SCAI: variants seen among roughly 807,000 people sequenced by gnomAD.
The protein encoded by SCAI is suppressor of cancer cell invasion.
In SCAI, 24 loss-of-function variants were observed where a neutral mutation model predicts 92.2. That is an observed-to-expected ratio of 0.26 (90% CI 0.19 to 0.37). The LOEUF is 0.37. SCAI is among the 10% of genes least tolerant of loss of function. The probability of loss-of-function intolerance (pLI) is 1.00; values close to 1 mark genes in which losing one functional copy is unlikely to be tolerated. For synonymous variants in SCAI, 261 were observed against 258.6 expected (o/e 1.01, Z -0.09); for missense variants, 450 against 736.2 (o/e 0.61, Z 4.50).
chr9:125,064,246 A>G (rs926955850), intron 2 of SCAI, among the ~76,000 whole-genome samples: 1 of 152,318 alleles, frequency 6.6e-6, no homozygotes, highest in Admixed American at 6.5e-5. Flanking sequence ...TAAAATCCCC[A>G]TTAATAAAGT....
chr9:125,052,129 A>G (rs1651396718), intron 3 of SCAI, among the ~76,000 whole-genome samples: 1 of 152,242 alleles, frequency 6.6e-6, no homozygotes, highest in African/African-American at 2.4e-5. Flanking sequence ...CTCTTAGAAA[A>G]AAACACGGGA....
intron 2 of SCAI, among the ~76,000 whole-genome samples, chr9:125,073,616 T>C (rs993557183): frequency 4.5e-4 from 69 of 152,340 alleles, no homozygotes; most frequent in Non-Finnish European, 6.9e-4. Context: ...ATGCTGAGCA[T>C]CTTTTCACCT....
In SCAI at chr9:124,947,655, A is replaced by G. The variant is rs1439531977; in HGVS notation, c.*5152T>C. ...TTACAAATATGTATACATATATACA[A>G]AAAGTATACACAGAGATTGCATGTA... On this transcript the variant is annotated 3_prime_UTR_variant, in exon 18 of 18. Coordinates refer to ENST00000336505, the MANE Select transcript of SCAI (RefSeq NM_001144877.3). The G allele has an allele frequency of 1.3e-5, 2 of 152,360 alleles. No individual in the cohort carries two copies. The highest frequency in any genetic ancestry group is 3.9e-4 in the East Asian group (2 of 5,180). 9.4% of individuals were successfully genotyped at this position (152,360 alleles called of 1,614,324 possible).
chr9:125,014,700 C>T (rs1041809428), intron 9 of SCAI, among the ~76,000 whole-genome samples: 35 of 152,196 alleles, frequency 2.3e-4, no homozygotes, highest in African/African-American at 8.2e-4. Flanking sequence ...TCATATGGAA[C>T]CAAAAAAGAG....
intron 12 of SCAI, among the ~76,000 whole-genome samples, chr9:125,001,172 A>G (rs1385046321): frequency 6.6e-6 from 1 of 152,198 alleles, no homozygotes; most frequent in East Asian, 1.9e-4. Context: ...GGCTAAAGAG[A>G]TTTGTTTTCA....
At chr9:125,048,971 C>G (rs1833502094) in intron 3 of SCAI, among the ~76,000 whole-genome samples, 1 of 151,990 alleles carries the variant, frequency 6.6e-6, no homozygotes, top group Non-Finnish European at 1.5e-5. Context: ...TCTCAAACTC[C>G]TGACCTCAGG....
intron 14 of SCAI, among the ~76,000 whole-genome samples, chr9:124,981,784 G>A (rs373148516): frequency 3.3e-5 from 5 of 152,012 alleles, no homozygotes; most frequent in African/African-American, 1.2e-4. Flanking sequence ...TAAGTAGCTA[G>A]CACTGCACAG....
chr9:124,977,516 A>G (rs982820257), intron 14 of SCAI, among the ~76,000 whole-genome samples: 6 of 152,148 alleles, frequency 3.9e-5, no homozygotes, highest in Non-Finnish European at 5.9e-5. Context: ...TCTACAAAGA[A>G]TAGAAAAATT....
chr9:124,962,170 T>TTTTGG (rs1554774807), intron 17 of SCAI, among the ~76,000 whole-genome samples: 1 of 84,120 alleles, frequency 1.2e-5, no homozygotes. Flanking sequence ...TTTTTTTTTT[T>TTTTGG]GCGGGGGGGG....
chr9:125,026,760 T>C (rs1317240641), intron 6 of SCAI, 52 bp downstream of exon 6: 14 of 937,244 alleles, frequency 1.5e-5, no homozygotes, highest in South Asian at 4.6e-5. Context: ...TCTACGAAGA[T>C]TAAGACTGAA....
chr9:125,104,421 C>T (rs982993491), intron 2 of SCAI, among the ~76,000 whole-genome samples: 5 of 152,168 alleles, frequency 3.3e-5, no homozygotes, highest in Non-Finnish European at 5.9e-5. Flanking sequence ...ACCTTTGCCA[C>T]TGCTTATTCT....
At chr9:125,101,246 T>C (rs1028123946) in intron 2 of SCAI, among the ~76,000 whole-genome samples, 5 of 151,662 alleles carry the variant, frequency 3.3e-5, no homozygotes, top group Non-Finnish European at 7.4e-5. Flanking sequence ...GAACAAGGAG[T>C]GATGTGATTT....
At position 125,133,711 on chromosome 9, in the gene SCAI, C is replaced by T. The variant is rs376298209; in HGVS notation, c.98+8922G>A. 3.0e-4 allele frequency among the ~76,000 whole-genome samples: 45 copies of T among 152,084 alleles called. No individual in the cohort carries two copies. The East Asian group carries it at 6.6e-3, about 22-fold the overall frequency. ...TCAAATATGTACAGCTCACTGTATGCCAACTGTACCTCTACAGACCTGTTC... is the reference window on the plus strand; with the variant it reads ...TCAAATATGTACAGCTCACTGTATGTCAACTGTACCTCTACAGACCTGTTC... On this transcript the variant is annotated intron_variant, in intron 2 of 17. Coordinates refer to ENST00000336505, the MANE Select transcript of SCAI (RefSeq NM_001144877.3).
intron 9 of SCAI, among the ~76,000 whole-genome samples, chr9:125,011,948 G>A (rs1832649743): frequency 6.6e-6 from 1 of 152,162 alleles, no homozygotes; most frequent in Non-Finnish European, 1.5e-5. Flanking sequence ...ATAAGTGAAG[G>A]AGAAATAAAA....
chr9:125,070,397 CTTTTT>C (rs34011891), intron 2 of SCAI, among the ~76,000 whole-genome samples: 1 of 118,292 alleles, frequency 8.5e-6, no homozygotes, highest in Non-Finnish European at 1.7e-5. Context: ...TAAAAACAAT[CTTTTT>C]TTTTTTTTTT....
chr9:125,090,297 G>A (rs1220011291), intron 2 of SCAI, among the ~76,000 whole-genome samples: 1 of 152,070 alleles, frequency 6.6e-6, no homozygotes, highest in Non-Finnish European at 1.5e-5. Flanking sequence ...GAAAGGAGGA[G>A]GTAGATAAGA....
chr9:124,997,886 A>G (rs567321457), intron 13 of SCAI, among the ~76,000 whole-genome samples: 2 of 151,820 alleles, frequency 1.3e-5, no homozygotes, highest in East Asian at 3.9e-4. Context: ...AAAAAAAAAA[A>G]AAAAAGAAAA....
chr9:124,953,886 T>C (rs748790364), intron 17 of SCAI, among the ~76,000 whole-genome samples: 1 of 152,258 alleles, frequency 6.6e-6, no homozygotes, highest in Non-Finnish European at 1.5e-5. Context: ...TAAATTTTTT[T>C]TTTTGAGATA....
intron 2 of SCAI, among the ~76,000 whole-genome samples, chr9:125,116,788 C>T (rs931209213): frequency 6.6e-5 from 10 of 152,000 alleles, no homozygotes; most frequent in African/African-American, 2.4e-4. Flanking sequence ...TTGAAAAAAT[C>T]ATTGTTTTCT....
Sources: allele counts gnomAD v4.1 joint callset (sites outside exome capture counted in the v4.1 genomes callset), GRCh38; gene constraint gnomAD v4.1.1; transcripts MANE v1.5; gene names NCBI Gene and HGNC (gene_info 2026-07-23, HGNC 2026-07-21).